Variants in SLC22A23 observed in about 807,000 individuals in gnomAD.
The protein encoded by SLC22A23 is ion transporter protein.
In SLC22A23, 26 loss-of-function variants were observed where a neutral mutation model predicts 61.0. The ratio of observed to expected loss-of-function variants is 0.43; its 90% CI spans 0.31 to 0.59. SLC22A23 has a LOEUF of 0.59. SLC22A23 is among the 20% of genes least tolerant of loss of function. The pLI is 0.11. For synonymous variants in SLC22A23, 430 were observed against 413.9 expected (o/e 1.04, Z -0.47); for missense variants, 796 against 934.7 (o/e 0.85, Z 1.94).
chr6:3,433,848 G>A (rs112405222), intron 1 of SLC22A23, among the ~76,000 whole-genome samples: 290 of 152,350 alleles, frequency 1.9e-3, no homozygotes, highest in African/African-American at 6.6e-3. Flanking sequence ...TATGGGGATA[G>A]ATATTAACGC....
rs998747010 is a variant in SLC22A23, at chr6:3,272,932, C to T, written c.*123G>A. On this transcript the variant is annotated 3_prime_UTR_variant, in exon 10 of 10. Coordinates refer to ENST00000406686, the MANE Select transcript of SLC22A23 (RefSeq NM_015482.2). The stretch of plus-strand genomic sequence containing the variant: ...TTGGAAAGACAGGATTTCCCCACAC[C>T]AGTTGAGAGGCTCAGCTTGGCTGAG... The T allele has an allele frequency of 5.8e-6, 5 of 857,632 alleles. No individual in the cohort carries two copies. The highest frequency in any genetic ancestry group is 3.7e-4 in the Middle Eastern group (1 of 2,716). 53.1% of individuals were successfully genotyped at this position (857,632 alleles called of 1,614,324 possible).
rs375742790 is a variant in SLC22A23 at position 3,314,901 on chromosome 6, C to T, written c.1082+8933G>A. 5.3e-5 allele frequency among the ~76,000 whole-genome samples: 8 copies of T among 152,266 alleles called. No homozygotes were observed. The East Asian group carries it at 1.5e-3, about 29-fold the overall frequency. Reference sequence around the variant, plus strand: ...GGAATCGGTTCTGTTCCTTACTCTCCAGTGTTATGCAGTGCAGCGTGATCC... The same window carrying T: ...GGAATCGGTTCTGTTCCTTACTCTCTAGTGTTATGCAGTGCAGCGTGATCC... On this transcript the variant is annotated intron_variant, in intron 4 of 9. Coordinates refer to ENST00000406686, the MANE Select transcript of SLC22A23 (RefSeq NM_015482.2).
intron 1 of SLC22A23, chr6:3,432,292 A>G (rs1755383123): frequency 1.0e-6 from 1 of 985,376 alleles, no homozygotes. Flanking sequence ...TCCTTCCACA[A>G]TCACTCAGGC....
At chr6:3,313,289 CT>C (rs1305790164) in intron 4 of SLC22A23, 11 of 152,162 alleles carry the variant, frequency 7.2e-5, no homozygotes, top group Non-Finnish European at 1.5e-5. Flanking sequence ...CCACATCTGC[CT>C]TTTGTCAGTA....
chr6:3,401,542 T>G (rs1179568926), intron 3 of SLC22A23, among the ~76,000 whole-genome samples: 1 of 152,210 alleles, frequency 6.6e-6, no homozygotes, highest in African/African-American at 2.4e-5. Flanking sequence ...AATCACTACA[T>G]GGAATTAAAG....
rs990322042 is a variant in SLC22A23 at position 3,318,446 on chromosome 6, G to A, written c.1082+5388C>T. The stretch of plus-strand genomic sequence containing the variant: ...CCTAGGGACAGCCCTATGCCCACGC[G>A]CTGCAGAAATGATCAAACTGCCAAA... On this transcript the variant is annotated intron_variant, in intron 4 of 9. Transcript: ENST00000406686. The surrounding 1 kb of genome is among the most constrained non-coding windows in gnomAD (Gnocchi z 4.3). 2.6e-5 allele frequency among the ~76,000 whole-genome samples: 4 copies of A among 152,016 alleles called. No homozygotes were observed. Among genetic ancestry groups the A allele is most frequent in the East Asian group, 1.9e-4 (1 of 5,172 alleles).
intron 4 of SLC22A23, among the ~76,000 whole-genome samples, chr6:3,320,901 A>G (rs1282307343): frequency 6.6e-6 from 1 of 152,224 alleles, no homozygotes; most frequent in Non-Finnish European, 1.5e-5. Flanking sequence ...CCTTAATAGT[A>G]ATATAAATGT....
chr6:3,442,351 A>C (rs2127552306), intron 1 of SLC22A23, among the ~76,000 whole-genome samples: 1 of 152,360 alleles, frequency 6.6e-6, no homozygotes, highest in South Asian at 2.1e-4. Context: ...CAGCTGCACA[A>C]CAATGAGGAT....
intron 1 of SLC22A23, among the ~76,000 whole-genome samples, chr6:3,421,837 C>T (rs1561970376): frequency 6.6e-6 from 1 of 152,110 alleles, no homozygotes; most frequent in Non-Finnish European, 1.5e-5. Context: ...TAAGACAATC[C>T]TATAAATCAG....
intron 3 of SLC22A23, among the ~76,000 whole-genome samples, chr6:3,391,893 G>A (rs12181019): frequency 1.7e-3 from 255 of 152,006 alleles, no homozygotes; most frequent in African/African-American, 6.1e-3. Context: ...TCAGGCAGAG[G>A]GAAAGGTGAG....
At chr6:3,443,864 C>T (rs1363343739) in intron 1 of SLC22A23, among the ~76,000 whole-genome samples, 1 of 152,106 alleles carries the variant, frequency 6.6e-6, no homozygotes, top group East Asian at 1.9e-4. Flanking sequence ...CAGGCGAAGC[C>T]AGTTTGAAGT....
Position 3,271,946 on chromosome 6 carries a change from C to CTA in SLC22A23, c.*1107_*1108dup. ...CCCTGCCCGAAGCCCCACCTCTGTG[C>CTA]TATGCGAGTGACTGCAAGCAGGAAG... On this transcript the variant is annotated 3_prime_UTR_variant, in exon 10 of 10. Coordinates refer to ENST00000406686, the MANE Select transcript of SLC22A23 (RefSeq NM_015482.2). 6.6e-6 allele frequency: 1 copy of CTA among 152,488 alleles called. No individual in the cohort carries two copies. Among genetic ancestry groups the CTA allele is most frequent in the African/African-American group, 2.4e-5 (1 of 41,448 alleles). 9.4% of individuals were successfully genotyped at this position (152,488 alleles called of 1,614,324 possible).
rs1761718402 is a variant in SLC22A23, at chr6:3,302,935, G to T, written c.1083-4717C>A. ...ACTGAAAAGACAACCTACAGAATGAGAGAAAGTCTTTGCAAACTATTCATC... is the reference window on the plus strand; with the variant it reads ...ACTGAAAAGACAACCTACAGAATGATAGAAAGTCTTTGCAAACTATTCATC... On this transcript the variant is annotated intron_variant, in intron 4 of 9. Transcript: ENST00000406686. 2.0e-5 allele frequency: 3 copies of T among 152,182 alleles called. No homozygotes were observed. In the South Asian group the frequency reaches 6.2e-4, roughly 31 times the overall value. The allele number at this position is 152,182 out of a possible 1,614,324, so 9.4% of individuals were successfully genotyped here. A position where few individuals can be genotyped will look rare whatever the true frequency, so the allele number is the denominator to read the frequency against.
chr6:3,315,167 C>CAA (rs5873876), intron 4 of SLC22A23, among the ~76,000 whole-genome samples: 47,653 of 149,268 alleles, frequency 0.32, 8,090 homozygotes, highest in East Asian at 0.56. Flanking sequence ...GGGAAAAGTG[C>CAA]AAAAAAAAAA....
intron 3 of SLC22A23, among the ~76,000 whole-genome samples, chr6:3,394,360 G>A (rs1048979968): frequency 3.9e-5 from 6 of 152,130 alleles, no homozygotes; most frequent in Non-Finnish European, 1.5e-5. Context: ...CTAGACTCAC[G>A]GGACTCAAGA....
rs537196934 is a variant in SLC22A23 at position 3,415,654 on chromosome 6, A to G, written c.758+98T>C. 3 of 842,544 alleles carry G rather than the reference A, an allele frequency of 3.6e-6. No homozygotes were observed. In the African/African-American group the frequency reaches 5.1e-5, roughly 14 times the overall value. The allele number at this position is 842,544 out of a possible 1,614,324, so 52.2% of individuals were successfully genotyped here. ...GGCCTTCTGCTCTGGCACTGGGAAA[A>G]GACAGTCATGGTAAGCTAACACTGA... On this transcript the variant is annotated intron_variant, in intron 2 of 9. Coordinates refer to ENST00000406686, the MANE Select transcript of SLC22A23 (RefSeq NM_015482.2).
chr6:3,444,837 G>A (rs1011830679), intron 1 of SLC22A23: 24 of 985,462 alleles, frequency 2.4e-5, no homozygotes, highest in South Asian at 1.4e-4. Context: ...GAACATCATC[G>A]GTTTCTGGGT....
chr6:3,296,223 C>T (rs557291501), intron 5 of SLC22A23, among the ~76,000 whole-genome samples: 29 of 152,304 alleles, frequency 1.9e-4, no homozygotes, highest in Middle Eastern at 3.4e-3. Context: ...AGCATGGCCC[C>T]GCTGGAGAAA....
intron 3 of SLC22A23, among the ~76,000 whole-genome samples, chr6:3,332,988 G>T (rs368687348): frequency 6.6e-6 from 1 of 152,224 alleles, no homozygotes; most frequent in Middle Eastern, 3.4e-3. Context: ...TGAGACCCAG[G>T]TTCAGGTTTT....
Sources: allele counts gnomAD v4.1 joint callset (sites outside exome capture counted in the v4.1 genomes callset), GRCh38; gene constraint gnomAD v4.1.1; non-coding constraint Gnocchi (gnomAD v3.1); transcripts MANE v1.5; gene names NCBI Gene and HGNC (gene_info 2026-07-23, HGNC 2026-07-21).